ATP8A2: variants seen among roughly 807,000 people sequenced by gnomAD.
ATP8A2 encodes ATPase phospholipid transporting 8A2.
ATP8A2 carries 100 observed loss-of-function variants against 165.6 expected under a neutral mutation model. The observed-to-expected ratio is 0.60, with a 90% CI of 0.51 to 0.71. The LOEUF (loss-of-function observed/expected upper bound fraction) is 0.71, where lower values mean the gene tolerates loss of function less well. Ranked by LOEUF, ATP8A2 falls within the 30% of genes least tolerant of loss-of-function variation. The probability of loss-of-function intolerance (pLI) is 0.00; values close to 1 mark genes in which losing one functional copy is unlikely to be tolerated. For missense variants in ATP8A2, 1,227 were observed against 1,479.5 expected (o/e 0.83, Z 2.80); for synonymous variants, 543 against 548.8 (o/e 0.99, Z 0.15).
chr13:25,901,739 C>T (rs150268847), intron 33 of ATP8A2, among the ~76,000 whole-genome samples: 247 of 152,290 alleles, frequency 1.6e-3, no homozygotes, highest in Middle Eastern at 6.8e-3. Flanking sequence ...CACTCTAGAT[C>T]GTATTTGCTA....
At chr13:25,576,350 G>A (rs1177139142) in intron 19 of ATP8A2, among the ~76,000 whole-genome samples, 1 of 152,178 alleles carries the variant, frequency 6.6e-6, no homozygotes, top group African/African-American at 2.4e-5. Context: ...GTTGGCAAAG[G>A]AGGATCAGAA....
At chr13:25,519,292 G>T (rs2037581847) in intron 2 of ATP8A2, among the ~76,000 whole-genome samples, 1 of 152,010 alleles carries the variant, frequency 6.6e-6, no homozygotes, top group African/African-American at 2.4e-5. Flanking sequence ...CCCAGCCCCA[G>T]CCAGTGTACC....
rs1362435218 is a variant in ATP8A2, at chr13:25,414,044, A to T, written c.76+41756A>T. On this transcript the variant is annotated intron_variant, in intron 1 of 36. Transcript: ENST00000381655. The stretch of plus-strand genomic sequence containing the variant: ...GATCAGAGAGTAGAACCATGGAGGA[A>T]CCTTGGTGATCACTAAGCCTGACTT... Among the ~76,000 whole-genome samples the T allele has an allele frequency of 2.0e-5, 3 of 152,088 alleles. No individual in the cohort carries two copies. In the South Asian group the frequency reaches 6.3e-4, roughly 32 times the overall value.
At position 25,530,618 on chromosome 13, in the gene ATP8A2, T is replaced by G; in HGVS notation, c.378T>G (p.Ile126Met). The G allele has an allele frequency of 6.3e-7, 1 of 1,595,132 alleles. No homozygotes were observed. Among genetic ancestry groups the G allele is most frequent in the African/African-American group, 1.3e-5 (1 of 74,842 alleles). Reference sequence around the variant, plus strand: ...ATACCACCCTGGTGCCATTGATCATTATTTTAACAATTGCAGGCATCAAAG... The same window carrying G: ...ATACCACCCTGGTGCCATTGATCATGATTTTAACAATTGCAGGCATCAAAG... ...GRYTTLVPLI[I>M]ILTIAGIKEI... The change falls in exon 4 of 37, where the codon ATT (isoleucine) becomes ATG (methionine). Residue 126 changes from isoleucine (I) to methionine (M), a missense_variant. By Grantham distance (10) the Ile-to-Met change is conservative. Around this residue, in one of 5 missense-constraint regions of ATP8A2, gnomAD observed 356 missense variants for 394.9 expected, o/e 0.90. Transcript: ENST00000381655.
intron 24 of ATP8A2, among the ~76,000 whole-genome samples, chr13:25,591,583 C>CT (rs749798935): frequency 0.067 from 8,825 of 131,846 alleles, 574 homozygotes; most frequent in East Asian, 0.18. Context: ...TAGCTTATAA[C>CT]TTTTTTTTTT....
At chr13:25,938,000 C>T (rs997376473) in intron 33 of ATP8A2, among the ~76,000 whole-genome samples, 2 of 151,712 alleles carry the variant, frequency 1.3e-5, no homozygotes, top group Non-Finnish European at 2.9e-5. Context: ...ATAGAAGAAT[C>T]AGTCAAAAGT....
chr13:25,783,956 G>C (rs1157420344), intron 27 of ATP8A2, among the ~76,000 whole-genome samples: 1 of 152,120 alleles, frequency 6.6e-6, no homozygotes, highest in Non-Finnish European at 1.5e-5. Context: ...AAGGTGGAGA[G>C]GGGGTGAGAG....
At chr13:25,760,381 T>C (rs776526419) in intron 25 of ATP8A2, among the ~76,000 whole-genome samples, 4 of 152,204 alleles carry the variant, frequency 2.6e-5, no homozygotes, top group Non-Finnish European at 5.9e-5. Flanking sequence ...CCTTTAAAAA[T>C]TTTTGGTTTT....
At chr13:25,531,346 ATATATATGTTATATATGATATATATATG>A (rs2038077227) in intron 4 of ATP8A2, among the ~76,000 whole-genome samples, 1 of 131,932 alleles carries the variant, frequency 7.6e-6, no homozygotes, top group African/African-American at 3.0e-5. Context: ...GTTATATATG[ATATATATGTTATATATGATATATATATG>A]TTATATATAT....
intron 27 of ATP8A2, among the ~76,000 whole-genome samples, chr13:25,802,423 T>C (rs984445622): frequency 6.6e-6 from 1 of 152,170 alleles, no homozygotes; most frequent in East Asian, 1.9e-4. Context: ...AAATTGACTT[T>C]AGTATTATGA....
chr13:25,435,122 C>CTT (rs563922531), intron 1 of ATP8A2, among the ~76,000 whole-genome samples: 2 of 136,696 alleles, frequency 1.5e-5, no homozygotes, highest in South Asian at 2.4e-4. Flanking sequence ...CATAGGAAAT[C>CTT]TTTTTTTTTT....
intron 25 of ATP8A2, among the ~76,000 whole-genome samples, chr13:25,739,319 T>C (rs986468006): frequency 6.6e-6 from 1 of 152,236 alleles, no homozygotes; most frequent in African/African-American, 2.4e-5. Flanking sequence ...GTGGAGCTTG[T>C]TCACCTCATG....
At chr13:25,854,945 C>G (rs750967331) in intron 30 of ATP8A2, among the ~76,000 whole-genome samples, 3 of 152,066 alleles carry the variant, frequency 2.0e-5, no homozygotes, top group Non-Finnish European at 4.4e-5. Context: ...AAAAGAAACC[C>G]TATATTCATT....
At chr13:25,480,484 C>A (rs1211707880) in intron 2 of ATP8A2, among the ~76,000 whole-genome samples, 5 of 147,212 alleles carry the variant, frequency 3.4e-5, no homozygotes, top group African/African-American at 1.0e-4. Flanking sequence ...GACGGGGTCG[C>A]GGCCGGGCAG....
chr13:25,840,257 T>C (rs1432586639), intron 30 of ATP8A2, among the ~76,000 whole-genome samples: 1 of 152,050 alleles, frequency 6.6e-6, no homozygotes, highest in African/African-American at 2.4e-5. Context: ...AAAATACAAA[T>C]GTATCATGAG....
chr13:25,592,879 G>C (rs748818147), intron 24 of ATP8A2, among the ~76,000 whole-genome samples: 73 of 152,250 alleles, frequency 4.8e-4, no homozygotes, highest in Admixed American at 7.9e-4. Context: ...TTCTAAGAAT[G>C]ATTCTTTCTT....
At chr13:25,470,594 G>A (rs9652084) in intron 2 of ATP8A2, among the ~76,000 whole-genome samples, 12,959 of 152,172 alleles carry the variant, frequency 0.085, 889 homozygotes, top group African/African-American at 0.19. Context: ...TGACCTAGCC[G>A]TTCTACTCCT....
At chr13:25,810,308 A>G (rs566698710) in intron 27 of ATP8A2, among the ~76,000 whole-genome samples, 2 of 152,214 alleles carry the variant, frequency 1.3e-5, no homozygotes, top group Non-Finnish European at 2.9e-5. Context: ...TGATCTCGCT[A>G]TAGGCCCATG....
At chr13:25,826,563 C>T (rs1233631078) in intron 27 of ATP8A2, among the ~76,000 whole-genome samples, 2 of 152,112 alleles carry the variant, frequency 1.3e-5, no homozygotes, top group Non-Finnish European at 2.9e-5. Context: ...AAAAATCTGC[C>T]TCAGTAAAAT....
Sources: allele counts gnomAD v4.1 joint callset (sites outside exome capture counted in the v4.1 genomes callset), GRCh38; gene constraint gnomAD v4.1.1; regional missense constraint gnomAD v4.1.1; transcripts MANE v1.5; gene names NCBI Gene and HGNC (gene_info 2026-07-23, HGNC 2026-07-21).